The following CAPSL variants were observed in gnomAD, a reference collection of about 807,000 sequenced individuals.
CAPSL encodes the protein calcyphosin-like protein.
Under a neutral mutation model 21.3 loss-of-function variants are expected in CAPSL, and 17 were observed. The ratio of observed to expected loss-of-function variants is 0.80; its 90% CI spans 0.55 to 1.20. CAPSL has a LOEUF of 1.20. CAPSL is among the 50% of genes most tolerant of loss of function. The pLI, the probability that CAPSL is intolerant of heterozygous loss-of-function variation, is 0.00. For missense variants in CAPSL, 289 were observed against 259.3 expected (o/e 1.11, Z -0.79); for synonymous variants, 102 against 89.3 (o/e 1.14, Z -0.80).
In CAPSL at chr5:35,920,892, G is replaced by T; in HGVS notation, c.137+92C>A. On this transcript the variant is annotated intron_variant, in intron 2 of 4. Transcript: ENST00000651391. ...AGGAACTGAGCCCCTAGGAGGAGATGACTTCCCCAAGACCACGTGGCCAAC... is the reference window on the plus strand; with the variant it reads ...AGGAACTGAGCCCCTAGGAGGAGATTACTTCCCCAAGACCACGTGGCCAAC... 6 of 1,360,932 alleles carry T rather than the reference G, an allele frequency of 4.4e-6. No homozygotes were observed. The South Asian group carries it at 6.8e-5, about 15-fold the overall frequency. 84.3% of individuals were successfully genotyped at this position (1,360,932 alleles called of 1,614,324 possible).
intron 1 of CAPSL, among the ~76,000 whole-genome samples, chr5:35,931,482 G>T (rs1191848649): frequency 6.6e-6 from 1 of 151,618 alleles, no homozygotes; most frequent in Non-Finnish European, 1.5e-5. Context: ...AGGCCCCAAG[G>T]TTGTAGGGTC....
intron 2 of CAPSL, among the ~76,000 whole-genome samples, chr5:35,916,570 A>G (rs929276624): frequency 3.9e-5 from 6 of 152,182 alleles, no homozygotes; most frequent in African/African-American, 1.2e-4. Context: ...CATATCTACA[A>G]CTATCTGATC....
intron 1 of CAPSL, 84 bp from the exon 2 acceptor site, chr5:35,921,204 A>G: frequency 1.3e-6 from 2 of 1,493,956 alleles, no homozygotes; most frequent in Non-Finnish European, 1.8e-6. Flanking sequence ...CCTCACTGAG[A>G]AGGAAATTTA....
intron 2 of CAPSL, among the ~76,000 whole-genome samples, chr5:35,917,537 T>C (rs1329782190): frequency 6.6e-6 from 1 of 152,056 alleles, no homozygotes; most frequent in African/African-American, 2.4e-5. Context: ...TATGCAGCCA[T>C]AAAAAATGAT....
intron 1 of CAPSL, among the ~76,000 whole-genome samples, chr5:35,938,295 GA>G (rs1291554209): frequency 6.6e-6 from 1 of 152,040 alleles, no homozygotes; most frequent in African/African-American, 2.4e-5. Context: ...TTTACTGAAT[GA>G]AATTTATTTT....
rs28755004 is a variant in CAPSL at position 35,911,792 on chromosome 5, C to T, written c.138-1249G>A. Among the ~76,000 whole-genome samples the T allele has an allele frequency of 1.7e-3, 255 of 152,272 alleles. 1 individual carries two copies. The highest frequency in any genetic ancestry group is 5.7e-3 in the African/African-American group (238 of 41,548). ...AACAGCTCCAGTCTACAGCTCCCAG[C>T]GTGAGCGATGCAGAAGACAGGTGAT... is the stretch of plus-strand genomic sequence containing the variant. On this transcript the variant is annotated intron_variant, in intron 2 of 4. Coordinates refer to ENST00000651391, the MANE Select transcript of CAPSL (RefSeq NM_001042625.2).
At chr5:35,924,796 G>T (rs1738630382) in intron 1 of CAPSL, among the ~76,000 whole-genome samples, 1 of 152,182 alleles carries the variant, frequency 6.6e-6, no homozygotes, top group South Asian at 2.1e-4. Flanking sequence ...CTGTATTTAA[G>T]CAGAAGGGAA....
intron 1 of CAPSL, among the ~76,000 whole-genome samples, chr5:35,931,319 C>T (rs1738817727): frequency 6.6e-6 from 1 of 152,084 alleles, no homozygotes; most frequent in Admixed American, 6.5e-5. Context: ...ATTATAACCT[C>T]TTCTCTCAGT....
intron 2 of CAPSL, among the ~76,000 whole-genome samples, chr5:35,917,161 A>G (rs1260885251): frequency 1.3e-5 from 2 of 152,214 alleles, no homozygotes; most frequent in Non-Finnish European, 2.9e-5. Flanking sequence ...CAAAACCACA[A>G]TGACATACCA....
intron 2 of CAPSL, among the ~76,000 whole-genome samples, chr5:35,918,227 A>G (rs1470249599): frequency 1.3e-5 from 2 of 152,330 alleles, no homozygotes; most frequent in East Asian, 1.9e-4. Flanking sequence ...TCAATGATAG[A>G]CTGGATAAAG....
chr5:35,931,440 A>C (rs1738821526), intron 1 of CAPSL, among the ~76,000 whole-genome samples: 1 of 730 alleles, frequency 1.4e-3, no homozygotes, highest in Non-Finnish European at 0.071. Flanking sequence ...ATGTGTTACA[A>C]AAAAAAAAAA....
intron 4 of CAPSL, 97 bp downstream of exon 4, chr5:35,909,769 G>T: frequency 2.1e-6 from 2 of 970,822 alleles, no homozygotes; most frequent in African/African-American, 1.6e-5. Context: ...CAACAAATAT[G>T]GTATCAATGT....
At chr5:35,918,528 G>A (rs1175690473) in intron 2 of CAPSL, among the ~76,000 whole-genome samples, 1 of 152,118 alleles carries the variant, frequency 6.6e-6, no homozygotes, top group Non-Finnish European at 1.5e-5. Context: ...AGGATGATGG[G>A]TGCAGCAAAC....
intron 1 of CAPSL, among the ~76,000 whole-genome samples, chr5:35,924,216 A>G (rs1738609809): frequency 6.6e-6 from 1 of 152,202 alleles, no homozygotes; most frequent in Non-Finnish European, 1.5e-5. Flanking sequence ...ATGCTGTTAG[A>G]ACTGTATGAC....
chr5:35,913,713 A>G (rs1738293802), intron 2 of CAPSL, among the ~76,000 whole-genome samples: 1 of 152,222 alleles, frequency 6.6e-6, no homozygotes, highest in Non-Finnish European at 1.5e-5. Flanking sequence ...AGGAAGCACT[A>G]AATGTGGAAA....
upstream of CAPSL, chr5:35,938,645 C>A (rs901692671): frequency 6.5e-6 from 1 of 153,080 alleles, no homozygotes; most frequent in African/African-American, 2.4e-5. Flanking sequence ...TAGCCTCCTC[C>A]CTCTTACCTG....
At chr5:35,936,521 T>TA (rs1561446492) in intron 1 of CAPSL, among the ~76,000 whole-genome samples, 1 of 152,226 alleles carries the variant, frequency 6.6e-6, no homozygotes, top group Admixed American at 6.5e-5. Flanking sequence ...CCAACAAATA[T>TA]ACTCTTCAAT....
chr5:35,922,965 G>T (rs569316643), intron 1 of CAPSL, among the ~76,000 whole-genome samples: 16 of 152,056 alleles, frequency 1.1e-4, no homozygotes, highest in African/African-American at 2.7e-4. Context: ...AGTGGCATGC[G>T]CCCCATCCCC....
At chr5:35,916,762 G>A (rs909254867) in intron 2 of CAPSL, among the ~76,000 whole-genome samples, 37 of 152,140 alleles carry the variant, frequency 2.4e-4, no homozygotes, top group South Asian at 8.3e-4. Context: ...CATAAAAACC[G>A]TAGAAGAAAA....
Sources: gnomAD v4.1 joint callset for allele counts (sites outside exome capture counted in the v4.1 genomes callset) on GRCh38, gnomAD v4.1.1 for gene constraint, MANE v1.5 for transcripts, NCBI Gene and HGNC (gene_info 2026-07-23, HGNC 2026-07-21) for gene names.